The following SLC38A10 variants were observed in gnomAD, a reference collection of about 807,000 sequenced individuals.
SLC38A10 encodes the protein Sodium-coupled neutral amino acid transporter 10.
Under a neutral mutation model 81.0 loss-of-function variants are expected in SLC38A10, and 53 were observed. The observed-to-expected ratio is 0.65, with a 90% CI of 0.53 to 0.82. The LOEUF is 0.82. Among genes scored for constraint, SLC38A10 ranks in the 40% least tolerant of loss-of-function variants. The probability of loss-of-function intolerance (pLI) is 0.00; values close to 1 mark genes in which losing one functional copy is unlikely to be tolerated. For missense variants in SLC38A10, 1,471 were observed against 1,545.0 expected, an observed-to-expected ratio of 0.95 and a Z score of 0.80; for synonymous variants, 665 against 655.3, an observed-to-expected ratio of 1.01 and a Z score of -0.23.
Position 81,276,145 on chromosome 17 carries a change from A to C in SLC38A10, c.736T>G (p.Phe246Val), listed in dbSNP as rs963435426. The C allele has an allele frequency of 6.2e-7, 1 of 1,606,678 alleles. No individual in the cohort carries two copies. Among genetic ancestry groups the C allele is most frequent in the Non-Finnish European group, 8.5e-7 (1 of 1,175,576 alleles). The change falls in exon 8 of 16, where the codon TTT becomes GTT. Residue 246 changes from phenylalanine (F) to valine (V), a missense_variant. By Grantham distance (50) the Phe-to-Val change is conservative. Around this residue, in one of 2 missense-constraint regions of SLC38A10, gnomAD observed 720 missense variants for 827.7 expected, o/e 0.87. Coordinates refer to ENST00000374759, the MANE Select transcript of SLC38A10 (RefSeq NM_001037984.3). This position sits in a 1 kb window ranked among gnomAD's most constrained non-coding sequence, Gnocchi z 4.7. ...VVTTFYVMVG[F>V]FGYVSFTEAT... Reference sequence around the variant, plus strand: ...TCGGTGAAGCTGACGTAGCCGAAAAACCCCACCTGTTGGAGAATAAGAAAT... The same window carrying C: ...TCGGTGAAGCTGACGTAGCCGAAAACCCCCACCTGTTGGAGAATAAGAAAT...
chr17:81,261,423 G>T (rs987781738), intron 10 of SLC38A10, among the ~76,000 whole-genome samples: 1 of 152,264 alleles, frequency 6.6e-6, no homozygotes, highest in African/African-American at 2.4e-5. Flanking sequence ...GCGGACTTCT[G>T]TAGAGCCAAG....
intron 14 of SLC38A10, among the ~76,000 whole-genome samples, chr17:81,248,451 C>T (rs550576279): frequency 2.0e-5 from 3 of 152,370 alleles, no homozygotes; most frequent in South Asian, 2.1e-4. Context: ...GCCCGGGTTA[C>T]GGCTGGCACA....
At chr17:81,280,877 C>T in intron 5 of SLC38A10, 144 bp from the exon 6 acceptor site, 1 of 1,247,878 alleles carries the variant, frequency 8.0e-7, no homozygotes, top group Non-Finnish European at 1.1e-6. Context: ...CCCTGTGCCG[C>T]CCTGTGCCGC....
rs762298388 is a variant in SLC38A10 at position 81,289,293 on chromosome 17, C to T, written c.217+398G>A. 5.9e-5 allele frequency among the ~76,000 whole-genome samples: 9 copies of T among 152,080 alleles called. No homozygotes were observed. The highest frequency in any genetic ancestry group is 9.7e-5 in the African/African-American group (4 of 41,396). ...CTGACCTCAAATAATCCGCCTGCCT[C>T]GGCCTGCCAAAGTGCTGGGATTACA... On this transcript the variant is annotated intron_variant, in intron 2 of 15. Transcript: ENST00000374759. This position sits in a 1 kb window ranked among gnomAD's most constrained non-coding sequence, Gnocchi z 5.9.
At chr17:81,268,027 T>C (rs2063084151) in intron 10 of SLC38A10, among the ~76,000 whole-genome samples, 1 of 151,152 alleles carries the variant, frequency 6.6e-6, no homozygotes, top group Non-Finnish European at 1.5e-5. Flanking sequence ...CTCCACATTC[T>C]GTGTGCAAAA....
chr17:81,260,895 C>T (rs936906072), intron 10 of SLC38A10, among the ~76,000 whole-genome samples: 7 of 152,272 alleles, frequency 4.6e-5, no homozygotes, highest in South Asian at 2.1e-4. Flanking sequence ...CCATGCTGTC[C>T]GCAAAGCGAG....
Position 81,295,074 on chromosome 17 carries a change from A to G in SLC38A10, c.-153T>C. 1 of 1,263,612 alleles carries G rather than the reference A, an allele frequency of 7.9e-7. No homozygotes were observed. The highest frequency in any genetic ancestry group is 1.6e-5 in the African/African-American group (1 of 63,140). The allele number at this position is 1,263,612 out of a possible 1,614,324, so 78.3% of individuals were successfully genotyped here. A position where few individuals can be genotyped will look rare whatever the true frequency, so the allele number is the denominator to read the frequency against. On this transcript the variant is annotated 5_prime_UTR_variant, in exon 1 of 16. Coordinates refer to ENST00000374759, the MANE Select transcript of SLC38A10 (RefSeq NM_001037984.3). Reference sequence around the variant, plus strand: ...GCAGCCTGAACACGGGAGCCTGAGCAGGCGCGGGCGCGGGCCCCAGAGGCT... The same window carrying G: ...GCAGCCTGAACACGGGAGCCTGAGCGGGCGCGGGCGCGGGCCCCAGAGGCT...
chr17:81,246,409 C>T lies in SLC38A10; in HGVS notation c.2507G>A (p.Gly836Asp). The change falls in exon 16 of 16, where the codon GGC becomes GAC. Residue 836 changes from glycine (G) to aspartate (D), a missense_variant. Gly to Asp is a moderately conservative substitution (Grantham distance 94). Coordinates refer to ENST00000374759, the MANE Select transcript of SLC38A10 (RefSeq NM_001037984.3). ...PRAAQAKLRDGQKDAAPRAAG... is the reference protein window; with the variant it reads ...PRAAQAKLRDDQKDAAPRAAG... ...TGCCCTGGGGGCGGCATCCTTCTGG[C>T]CATCTCTCAGCTTGGCCTGGGCTGC... 6.2e-7 allele frequency: 1 copy of T among 1,601,000 alleles called. No individual in the cohort carries two copies. Among genetic ancestry groups the T allele is most frequent in the South Asian group, 1.1e-5 (1 of 90,212 alleles).
chr17:81,246,510 G>A lies in SLC38A10; in HGVS notation c.2406C>T (p.Ser802=), dbSNP rs1165582595. 1.3e-6 allele frequency: 2 copies of A among 1,532,976 alleles called. No individual in the cohort carries two copies. The allele number at this position is 1,532,976 out of a possible 1,614,324, so 95.0% of individuals were successfully genotyped here. A position where few individuals can be genotyped will look rare whatever the true frequency, so the allele number is the denominator to read the frequency against. The change falls in exon 16 of 16, where the codon TCC becomes TCT. Residue 802 remains serine, a synonymous_variant. Coordinates refer to ENST00000374759, the MANE Select transcript of SLC38A10 (RefSeq NM_001037984.3). The stretch of plus-strand genomic sequence containing the variant: ...CCACAGGCCCCTCAGAGTGCTCCAG[G>A]GAGCGCTGGTTAAGGTCCTGGGATG... The part of the protein sequence containing the change: ...PAPSQDLNQR[S]LEHSEGPVGR...
At chr17:81,255,960 C>T (rs950843824) in intron 11 of SLC38A10, among the ~76,000 whole-genome samples, 14 of 152,046 alleles carry the variant, frequency 9.2e-5, no homozygotes, top group African/African-American at 1.2e-4. Flanking sequence ...CCAGCCTGGG[C>T]GACAGAGCGA....
chr17:81,253,278 G>A lies in SLC38A10; in HGVS notation c.1289-38C>T. 6.2e-7 allele frequency: 1 copy of A among 1,603,614 alleles called. No individual in the cohort carries two copies. The highest frequency in any genetic ancestry group is 8.5e-7 in the Non-Finnish European group (1 of 1,172,752). On this transcript the variant is annotated intron_variant, in intron 11 of 15. Coordinates refer to ENST00000374759, the MANE Select transcript of SLC38A10 (RefSeq NM_001037984.3). This position sits in a 1 kb window ranked among gnomAD's most constrained non-coding sequence, Gnocchi z 4.1. The stretch of plus-strand genomic sequence containing the variant: ...CACAGTTAGGGAACTGCACTGCCAA[G>A]CAGCTCCAGGAGCGGGGCAGCTCTC...
At position 81,246,142 on chromosome 17, in the gene SLC38A10, C is replaced by T. The variant is rs2062848170; in HGVS notation, c.2774G>A (p.Arg925His). ...AGPGAETGDP[R>H]MKPKQVSRDL... The stretch of plus-strand genomic sequence containing the variant: ...TCGGCTCACTTGCTTGGGCTTCATG[C>T]GAGGGTCCCCCGTCTCTGCTCCTGG... Residue 925 changes from arginine to histidine, a missense_variant, in exon 16 of 16, where the codon CGC becomes CAC. This residue lies in a region of SLC38A10 where 751 missense variants were observed against 717.4 expected (regional missense o/e 1.05). Transcript: ENST00000374759. The T allele has an allele frequency of 6.2e-6, 10 of 1,610,386 alleles. No homozygotes were observed. Among genetic ancestry groups the T allele is most frequent in the East Asian group, 2.2e-5 (1 of 44,876 alleles).
intron 14 of SLC38A10, chr17:81,251,097 G>T: frequency 6.7e-7 from 1 of 1,497,120 alleles, no homozygotes; most frequent in South Asian, 1.4e-5. Context: ...CTCCACATCT[G>T]GGTGCAGGCA....
In SLC38A10 at chr17:81,286,132, G is replaced by A. The variant is rs1008182597; in HGVS notation, c.218-1237C>T. 2.6e-5 allele frequency among the ~76,000 whole-genome samples: 4 copies of A among 152,142 alleles called. No homozygotes were observed. Among genetic ancestry groups the A allele is most frequent in the South Asian group, 2.1e-4 (1 of 4,820 alleles). Reference sequence around the variant, plus strand: ...CAGGGCCCTGCTGTCACCAAGGAACGCCCTCCACACCCCTCAGTGACGGCA... The same window carrying A: ...CAGGGCCCTGCTGTCACCAAGGAACACCCTCCACACCCCTCAGTGACGGCA... On this transcript the variant is annotated intron_variant, in intron 2 of 15. Coordinates refer to ENST00000374759, the MANE Select transcript of SLC38A10 (RefSeq NM_001037984.3). This position sits in a 1 kb window ranked among gnomAD's most constrained non-coding sequence, Gnocchi z 6.0.
chr17:81,260,766 G>A (rs897616528), intron 10 of SLC38A10, among the ~76,000 whole-genome samples: 1 of 152,224 alleles, frequency 6.6e-6, no homozygotes, highest in African/African-American at 2.4e-5. Flanking sequence ...GGAGCGGGAG[G>A]GACAGCGGCT....
intron 1 of SLC38A10, among the ~76,000 whole-genome samples, chr17:81,291,711 G>C (rs548668359): frequency 6.6e-6 from 1 of 152,230 alleles, no homozygotes; most frequent in African/African-American, 2.4e-5. Flanking sequence ...ACCACCCCCT[G>C]CCAACGCCTG....
At chr17:81,294,547 T>TGG (rs1262108489) in intron 1 of SLC38A10, among the ~76,000 whole-genome samples, 1 of 152,246 alleles carries the variant, frequency 6.6e-6, no homozygotes, top group Non-Finnish European at 1.5e-5. Context: ...GAGGATCATT[T>TGG]TGCTTTGTTA....
intron 2 of SLC38A10, 68 bp from the exon 3 acceptor site, chr17:81,284,963 A>C (rs894796308): frequency 7.0e-7 from 1 of 1,431,694 alleles, no homozygotes; most frequent in Non-Finnish European, 9.4e-7. Context: ...AAAGGTACTG[A>C]GCCAAGCTGT....
intron 6 of SLC38A10, chr17:81,280,079 C>T (rs1567943981): frequency 3.4e-5 from 15 of 435,458 alleles, no homozygotes; most frequent in Middle Eastern, 3.6e-4. Context: ...CAACCGGGCA[C>T]GAATCACTCG....
Sources: allele counts gnomAD v4.1 joint callset (sites outside exome capture counted in the v4.1 genomes callset), GRCh38; gene constraint gnomAD v4.1.1; regional missense constraint gnomAD v4.1.1; non-coding constraint Gnocchi (gnomAD v3.1); transcripts MANE v1.5; gene names NCBI Gene and HGNC (gene_info 2026-07-23, HGNC 2026-07-21).